The following TNPO3 variants were observed in gnomAD, a reference collection of about 807,000 sequenced individuals.
TNPO3 encodes the protein transportin-3.
A neutral mutation model predicts 122.8 loss-of-function variants in TNPO3; 65 were observed. That is an observed-to-expected ratio of 0.53 (90% CI 0.43 to 0.65). The LOEUF is 0.65. Among genes scored for constraint, TNPO3 ranks in the 30% least tolerant of loss-of-function variants. The probability of loss-of-function intolerance (pLI) is 0.00; values close to 1 mark genes in which losing one functional copy is unlikely to be tolerated. For missense variants in TNPO3, 850 were observed against 1,136.7 expected, an observed-to-expected ratio of 0.75 and a Z score of 3.63; for synonymous variants, 372 against 411.2, an observed-to-expected ratio of 0.90 and a Z score of 1.15.
chr7:129,051,276 T>C (rs1354290806), intron 1 of TNPO3, among the ~76,000 whole-genome samples: 2 of 151,896 alleles, frequency 1.3e-5, no homozygotes, highest in South Asian at 2.1e-4. Context: ...CATTATTTGA[T>C]ATTTTTGAGC....
At chr7:128,971,861 C>T (rs767782933) in intron 19 of TNPO3, among the ~76,000 whole-genome samples, 6 of 152,218 alleles carry the variant, frequency 3.9e-5, no homozygotes, top group Admixed American at 3.9e-4. Flanking sequence ...AGCTTTCCCT[C>T]GTCTGATCTC....
intron 1 of TNPO3, among the ~76,000 whole-genome samples, chr7:129,035,825 G>GT (rs1439487548): frequency 1.3e-5 from 2 of 152,026 alleles, no homozygotes; most frequent in African/African-American, 4.8e-5. Context: ...TCCAAAAAAT[G>GT]TTTGACCTGA....
At chr7:129,011,126 A>C (rs781084396) in intron 4 of TNPO3, among the ~76,000 whole-genome samples, 11 of 152,200 alleles carry the variant, frequency 7.2e-5, no homozygotes, top group Non-Finnish European at 1.3e-4. Context: ...TACAACTTCC[A>C]ATTAGAGGAA....
At chr7:129,010,688 C>T (rs1034415679) in intron 4 of TNPO3, among the ~76,000 whole-genome samples, 3 of 152,142 alleles carry the variant, frequency 2.0e-5, no homozygotes, top group African/African-American at 4.8e-5. Flanking sequence ...GTCAACTGAA[C>T]GCTGTATATA....
intron 1 of TNPO3, among the ~76,000 whole-genome samples, chr7:129,027,568 AAAAAAAAAAAAAAAAAAAAAAAAC>A (rs1805358193): frequency 7.7e-6 from 1 of 129,914 alleles, no homozygotes; most frequent in Non-Finnish European, 1.7e-5. Context: ...CAAAAAAAAA[AAAAAAAAAAAAAAAAAAAAAAAAC>A]AACACAAAAA....
chr7:129,054,986 T>G lies in TNPO3; in HGVS notation c.-216A>C. 1 of 570,972 alleles carries G rather than the reference T, an allele frequency of 1.8e-6. No individual in the cohort carries two copies. Among genetic ancestry groups the G allele is most frequent in the East Asian group, 3.1e-5 (1 of 31,880 alleles). The allele number at this position is 570,972 out of a possible 1,614,324, so 35.4% of individuals were successfully genotyped here. A position where few individuals can be genotyped will look rare whatever the true frequency, so the allele number is the denominator to read the frequency against. On this transcript the variant is annotated 5_prime_UTR_variant, in exon 1 of 23. Transcript: ENST00000265388. ...TCGTATTCAGGTTCCTGGCCTTTTT[T>G]CCGGTTTTTCCACTTGATTCTAGAC...
chr7:128,957,998 G>A (rs1159306527), intron 21 of TNPO3, among the ~76,000 whole-genome samples: 3 of 152,072 alleles, frequency 2.0e-5, no homozygotes, highest in South Asian at 2.1e-4. Flanking sequence ...AAAGCCCCCC[G>A]ACCTCCCTTT....
At chr7:128,993,710 A>G in intron 9 of TNPO3, 97 bp downstream of exon 9, 1 of 1,073,976 alleles carries the variant, frequency 9.3e-7, no homozygotes, top group Non-Finnish European at 1.4e-6. Flanking sequence ...TCAGCCACTA[A>G]AATTGAAGAA....
intron 22 of TNPO3, among the ~76,000 whole-genome samples, chr7:128,956,575 C>CATTTTGG (rs962683039): frequency 2.4e-4 from 36 of 152,186 alleles, no homozygotes; most frequent in Admixed American, 2.4e-3. Context: ...AGCATTGGAG[C>CATTTTGG]ATTTTGGATT....
At chr7:129,039,502 G>A (rs1375172589) in intron 1 of TNPO3, among the ~76,000 whole-genome samples, 1 of 152,132 alleles carries the variant, frequency 6.6e-6, no homozygotes, top group Non-Finnish European at 1.5e-5. Flanking sequence ...AGAGGTTGCA[G>A]TGAGCAGAAA....
intron 1 of TNPO3, among the ~76,000 whole-genome samples, chr7:129,031,649 T>C (rs1805962041): frequency 1.3e-5 from 2 of 152,178 alleles, no homozygotes; most frequent in African/African-American, 2.4e-5. Context: ...TTTCAAACTC[T>C]TTCCAAAAAC....
intron 1 of TNPO3, among the ~76,000 whole-genome samples, chr7:129,040,760 T>C (rs1807278280): frequency 6.6e-6 from 1 of 152,158 alleles, no homozygotes; most frequent in East Asian, 1.9e-4. Context: ...AATCATTGAC[T>C]TACTCTTGTG....
At chr7:128,979,559 C>T (rs1799426019) in intron 15 of TNPO3, among the ~76,000 whole-genome samples, 1 of 152,180 alleles carries the variant, frequency 6.6e-6, no homozygotes, top group African/African-American at 2.4e-5. Flanking sequence ...TGTAATTTGT[C>T]CTCTGAAGTC....
chr7:129,012,229 C>A (rs1803299510), intron 4 of TNPO3, among the ~76,000 whole-genome samples: 1 of 151,944 alleles, frequency 6.6e-6, no homozygotes, highest in South Asian at 2.1e-4. Flanking sequence ...TGGTCTCAAA[C>A]TCCTGACCTC....
intron 13 of TNPO3, among the ~76,000 whole-genome samples, chr7:128,982,962 C>T (rs554098810): frequency 1.2e-4 from 18 of 152,266 alleles, no homozygotes; most frequent in Admixed American, 8.5e-4. Context: ...TGAATGAATT[C>T]TTTTCCCATT....
intron 8 of TNPO3, among the ~76,000 whole-genome samples, chr7:128,996,672 G>A (rs909097894): frequency 6.7e-6 from 1 of 149,974 alleles, no homozygotes; most frequent in African/African-American, 2.5e-5. Context: ...GAACCCAGGA[G>A]GCAGAGTTTG....
intron 1 of TNPO3, among the ~76,000 whole-genome samples, chr7:129,021,616 T>C (rs1009960897): frequency 6.6e-6 from 1 of 152,104 alleles, no homozygotes; most frequent in Middle Eastern, 3.2e-3. Flanking sequence ...GAAAAACTAA[T>C]TTCACAGAAA....
intron 14 of TNPO3, among the ~76,000 whole-genome samples, chr7:128,980,935 T>C (rs1323219072): frequency 6.6e-6 from 1 of 152,154 alleles, no homozygotes; most frequent in Admixed American, 6.5e-5. Context: ...ACAACTCCTC[T>C]GTCTAGTTCG....
At chr7:129,022,372 G>C (rs1317702245) in intron 1 of TNPO3, among the ~76,000 whole-genome samples, 2 of 151,510 alleles carry the variant, frequency 1.3e-5, no homozygotes, top group Non-Finnish European at 2.9e-5. Flanking sequence ...AAAAAATTTG[G>C]TATCAAAGTT....
Sources: allele counts gnomAD v4.1 joint callset (sites outside exome capture counted in the v4.1 genomes callset), GRCh38; gene constraint gnomAD v4.1.1; transcripts MANE v1.5; gene names NCBI Gene and HGNC (gene_info 2026-07-23, HGNC 2026-07-21).